The following UBAC1 variants were observed in gnomAD, a reference collection of about 807,000 sequenced individuals.
UBAC1 encodes the protein UBA domain containing 1.
Under a neutral mutation model 45.9 loss-of-function variants are expected in UBAC1, and 27 were observed. The observed-to-expected ratio is 0.59, with a 90% CI of 0.43 to 0.81. The LOEUF (loss-of-function observed/expected upper bound fraction) is 0.81. Ranked by LOEUF, UBAC1 falls within the 30% of genes least tolerant of loss-of-function variation. UBAC1 has a pLI of 0.00. For missense variants in UBAC1, 529 were observed against 539.2 expected (o/e 0.98, Z 0.19); for synonymous variants, 227 against 215.5 (o/e 1.05, Z -0.47).
At chr9:135,946,711 A>C (rs1172736858) in intron 4 of UBAC1, among the ~76,000 whole-genome samples, 1 of 152,244 alleles carries the variant, frequency 6.6e-6, no homozygotes, top group Non-Finnish European at 1.5e-5. Flanking sequence ...TGAAGAAAAC[A>C]GAATCATCTG....
intron 9 of UBAC1, among the ~76,000 whole-genome samples, chr9:135,935,485 C>T (rs945749999): frequency 6.6e-6 from 1 of 151,954 alleles, no homozygotes; most frequent in Non-Finnish European, 1.5e-5. Flanking sequence ...ATCTCAACAA[C>T]AACAAAAAAA....
Position 135,945,152 on chromosome 9 carries a change from C to A in UBAC1, c.752G>T (p.Gly251Val), listed in dbSNP as rs1839313341. Residue 251 changes from glycine (G) to valine (V), a missense_variant, in exon 7 of 10, where the codon GGG (glycine) becomes GTG (valine). Transcript: ENST00000371756. Reference sequence around the variant, plus strand: ...AGCCTCGGAGGCAGCTGCTGTGGCCCCCTCGGCCTCTGGGGGAGCTTGGCC... The same window carrying A: ...AGCCTCGGAGGCAGCTGCTGTGGCCACCTCGGCCTCTGGGGGAGCTTGGCC... ...LPGQAPPEAE[G>V]ATAAASEAAA... The A allele has an allele frequency of 6.2e-7, 1 of 1,613,704 alleles. No homozygotes were observed. Among genetic ancestry groups the A allele is most frequent in the South Asian group, 1.1e-5 (1 of 91,002 alleles).
intron 3 of UBAC1, among the ~76,000 whole-genome samples, chr9:135,949,832 C>T (rs536347829): frequency 5.9e-4 from 90 of 152,344 alleles, no homozygotes; most frequent in African/African-American, 2.0e-3. Context: ...GCACAGCCGA[C>T]TGTGGGGAAA....
At chr9:135,958,269 G>T (rs548731926) in intron 1 of UBAC1, among the ~76,000 whole-genome samples, 1 of 152,032 alleles carries the variant, frequency 6.6e-6, no homozygotes, top group African/African-American at 2.4e-5. Flanking sequence ...GAATGGTCTC[G>T]ATCTCCTGAC....
At chr9:135,958,336 C>T (rs888020804) in intron 1 of UBAC1, among the ~76,000 whole-genome samples, 3 of 152,146 alleles carry the variant, frequency 2.0e-5, no homozygotes, top group Non-Finnish European at 1.5e-5. Context: ...CATGAGCCAC[C>T]GTGCTCAGCC....
At chr9:135,945,377 A>C in intron 6 of UBAC1, 127 bp from the exon 7 acceptor site, 3 of 803,900 alleles carry the variant, frequency 3.7e-6, no homozygotes, top group Non-Finnish European at 3.7e-6. Context: ...TGACCCTTAT[A>C]ACAAGAACCT....
chr9:135,952,657 G>C (rs1429294390), intron 3 of UBAC1, among the ~76,000 whole-genome samples: 1 of 152,230 alleles, frequency 6.6e-6, no homozygotes, highest in East Asian at 1.9e-4. Context: ...AAATAGACAA[G>C]ACAGGCAGAA....
chr9:135,955,270 A>AAACCCCCCC, intron 2 of UBAC1, 25 bp downstream of exon 2: 1 of 1,527,948 alleles, frequency 6.5e-7, no homozygotes, highest in South Asian at 1.3e-5. Flanking sequence ...CCTGCTGCCA[A>AAACCCCCCC]CCCGCCCGCC....
intron 9 of UBAC1, among the ~76,000 whole-genome samples, chr9:135,934,212 A>G (rs187623839): frequency 2.6e-5 from 4 of 152,308 alleles, no homozygotes; most frequent in East Asian, 3.9e-4. Context: ...GACAGTGCTC[A>G]CTACAGAATT....
chr9:135,936,634 C>T (rs1839205636), intron 9 of UBAC1, among the ~76,000 whole-genome samples: 1 of 152,012 alleles, frequency 6.6e-6, no homozygotes, highest in Non-Finnish European at 1.5e-5. Context: ...GCTGGGATTA[C>T]AGGTGCATAC....
In UBAC1 at chr9:135,933,346, T is replaced by A; in HGVS notation, c.*54A>T. ...CAGGTGAGGTCCACTCTGCCCGGTC[T>A]CGGGCCGCACCAGGGGGCTGCTGTG... On this transcript the variant is annotated 3_prime_UTR_variant, in exon 10 of 10. Transcript: ENST00000371756. The A allele has an allele frequency of 6.6e-7, 1 of 1,508,990 alleles. No homozygotes were observed. The highest frequency in any genetic ancestry group is 9.2e-7 in the Non-Finnish European group (1 of 1,085,008). The allele number at this position is 1,508,990 out of a possible 1,614,324, so 93.5% of individuals were successfully genotyped here. A position where few individuals can be genotyped will look rare whatever the true frequency, so the allele number is the denominator to read the frequency against.
In UBAC1 at chr9:135,933,136, A is replaced by C. The variant is rs1297264778; in HGVS notation, c.*264T>G. On this transcript the variant is annotated 3_prime_UTR_variant, in exon 10 of 10. Coordinates refer to ENST00000371756, the MANE Select transcript of UBAC1 (RefSeq NM_016172.3). ...CAGCAACTCAAGAGCCCAGAGGAGC[A>C]CTGGAGACGAGGCCATCACTCCACT... 2 of 439,586 alleles carry C rather than the reference A, an allele frequency of 4.5e-6. No individual in the cohort carries two copies. The highest frequency in any genetic ancestry group is 8.2e-6 in the Non-Finnish European group (2 of 243,114). The allele number at this position is 439,586 out of a possible 1,614,324, so 27.2% of individuals were successfully genotyped here.
At chr9:135,949,604 G>A (rs541347687) in intron 3 of UBAC1, among the ~76,000 whole-genome samples, 3 of 152,322 alleles carry the variant, frequency 2.0e-5, no homozygotes, top group Middle Eastern at 3.4e-3. Context: ...CAGCTGCTGC[G>A]CTGGAATACG....
At position 135,933,443 on chromosome 9, in the gene UBAC1, A is replaced by G. The variant is rs1273302376; in HGVS notation, c.1175T>C (p.Met392Thr). The change falls in exon 10 of 10, where the codon ATG becomes ACG. Residue 392 changes from methionine to threonine, a missense_variant. Physicochemically the swap from Met to Thr is moderately conservative, Grantham distance 81 (BLOSUM62 -1). Coordinates refer to ENST00000371756, the MANE Select transcript of UBAC1 (RefSeq NM_016172.3). Reference protein sequence around the residue: ...WMNDPETGPVMLQISRIFQTL... With the variant: ...WMNDPETGPVTLQISRIFQTL... Reference sequence around the variant, plus strand: ...CTGGAAGATTCTAGAGATCTGCAGCATGACAGGCCCCGTTTCTGGATCATT... The same window carrying G: ...CTGGAAGATTCTAGAGATCTGCAGCGTGACAGGCCCCGTTTCTGGATCATT... 1 of 1,614,058 alleles carries G rather than the reference A, an allele frequency of 6.2e-7. No individual in the cohort carries two copies. Among genetic ancestry groups the G allele is most frequent in the Admixed American group, 1.7e-5 (1 of 60,004 alleles).
chr9:135,939,352 T>C (rs1463815309), intron 8 of UBAC1, among the ~76,000 whole-genome samples: 1 of 152,186 alleles, frequency 6.6e-6, no homozygotes, highest in East Asian at 1.9e-4. Flanking sequence ...AAAAGCCACA[T>C]AGCCGGCTGC....
Position 135,933,478 on chromosome 9 carries a change from G to A in UBAC1, c.1140C>T (p.Thr380=), listed in dbSNP as rs1434446185. 2 of 1,614,088 alleles carry A rather than the reference G, an allele frequency of 1.2e-6. No homozygotes were observed. Among genetic ancestry groups the A allele is most frequent in the Non-Finnish European group, 1.7e-6 (2 of 1,180,008 alleles). ...CCGTTTCTGGATCATTCATCCACTG[G>A]GTGCTGTTCAGTGGGTTCTCCAGCA... The part of the protein sequence containing the change: ...EDMLENPLNS[T]QWMNDPETGP... The change falls in exon 10 of 10, where the codon ACC becomes ACT. Residue 380 remains threonine (T), a synonymous_variant. Coordinates refer to ENST00000371756, the MANE Select transcript of UBAC1 (RefSeq NM_016172.3).
chr9:135,938,291 G>A lies in UBAC1; in HGVS notation c.1033C>T (p.Pro345Ser). ...ELDKGIDPDS[P>S]LFQAILDNPV... ...TTATCCAGGATGGCCTGAAAGAGAGGACTGTCGGGGTCGATGCCCTTGTCC... is the reference window on the plus strand; with the variant it reads ...TTATCCAGGATGGCCTGAAAGAGAGAACTGTCGGGGTCGATGCCCTTGTCC... Residue 345 changes from proline (P) to serine (S), a missense_variant, in exon 9 of 10, where the codon CCT (proline) becomes TCT (serine). Coordinates refer to ENST00000371756, the MANE Select transcript of UBAC1 (RefSeq NM_016172.3). 2 of 1,614,208 alleles carry A rather than the reference G, an allele frequency of 1.2e-6. No individual in the cohort carries two copies. The highest frequency in any genetic ancestry group is 8.5e-7 in the Non-Finnish European group (1 of 1,180,040).
rs781652177 is a variant in UBAC1, at chr9:135,938,212, G to T, written c.1102+10C>A. 1 of 1,613,386 alleles carries T rather than the reference G, an allele frequency of 6.2e-7. No individual in the cohort carries two copies. The highest frequency in any genetic ancestry group is 8.5e-7 in the Non-Finnish European group (1 of 1,179,742). On this transcript the variant is annotated intron_variant, in intron 9 of 9. Transcript: ENST00000371756. ...CGACCCGAGACTTAGCATAAAGAAGGCGCACATACCTAGCAATGTTTTCGG... is the reference window on the plus strand; with the variant it reads ...CGACCCGAGACTTAGCATAAAGAAGTCGCACATACCTAGCAATGTTTTCGG...
intron 2 of UBAC1, among the ~76,000 whole-genome samples, chr9:135,954,997 T>G (rs922291957): frequency 6.6e-6 from 1 of 152,244 alleles, no homozygotes; most frequent in Non-Finnish European, 1.5e-5. Context: ...AGGTGAAACC[T>G]GCAGAACCCC....
Sources: gnomAD v4.1 joint callset for allele counts (sites outside exome capture counted in the v4.1 genomes callset) on GRCh38, gnomAD v4.1.1 for gene constraint, MANE v1.5 for transcripts, NCBI Gene and HGNC (gene_info 2026-07-23, HGNC 2026-07-21) for gene names.